The following COA1 variants were observed in gnomAD, a reference collection of about 807,000 sequenced individuals.
COA1 encodes the protein cytochrome c oxidase assembly factor 1, also known as cytochrome c oxidase assembly factor 1 homolog.
A neutral mutation model predicts 16.0 loss-of-function variants in COA1; 13 were observed. The ratio of observed to expected loss-of-function variants is 0.81; its 90% CI spans 0.53 to 1.29. COA1 has a LOEUF of 1.29. COA1 is among the 50% of genes most tolerant of loss of function. COA1 has a pLI of 0.00. For synonymous variants in COA1, 65 were observed against 65.7 expected (o/e 0.99, Z 0.05); for missense variants, 179 against 177.0 (o/e 1.01, Z -0.06).
intron 1 of COA1, among the ~76,000 whole-genome samples, chr7:43,714,258 G>A (rs1243396351): frequency 6.6e-6 from 1 of 152,084 alleles, no homozygotes; most frequent in Non-Finnish European, 1.5e-5. Flanking sequence ...AACTTTAAAA[G>A]ATTTTCTGTT....
chr7:43,651,319 C>T (rs1472922130), intron 1 of COA1, among the ~76,000 whole-genome samples: 1 of 152,206 alleles, frequency 6.6e-6, no homozygotes, highest in East Asian at 1.9e-4. Flanking sequence ...AACTTGTTAG[C>T]CACAGGAAGG....
rs1453208681 is a variant in COA1, at chr7:43,661,740, T to C, written c.-38-13088A>G. Among the ~76,000 whole-genome samples the C allele has an allele frequency of 2.0e-5, 3 of 152,166 alleles. No homozygotes were observed. In the East Asian group the frequency reaches 5.8e-4, roughly 29 times the overall value. ...AATCACTCTTGGAGTGTGGTCCTTG[T>C]ACCTCTGGAGGGCCTTGAGACCATT... On this transcript the variant is annotated intron_variant, in intron 1 of 5. Coordinates refer to ENST00000223336, the MANE Select transcript of COA1 (RefSeq NM_018224.4).
intron 1 of COA1, among the ~76,000 whole-genome samples, chr7:43,726,657 T>C (rs2095623254): frequency 6.6e-6 from 1 of 152,216 alleles, no homozygotes; most frequent in Admixed American, 6.5e-5. Flanking sequence ...TCCCACGTAG[T>C]TGTTGGAAAA....
chr7:43,619,758 C>G, intron 6 of COA1: 1 of 1,605,012 alleles, frequency 6.2e-7, no homozygotes, highest in Admixed American at 1.7e-5. Context: ...GTTCTGGGGT[C>G]AGGCATCACC....
chr7:43,638,597 C>T (rs540754085), downstream of COA1, among the ~76,000 whole-genome samples: 104 of 83,692 alleles, frequency 1.2e-3, 2 homozygotes, highest in Admixed American at 0.013. Flanking sequence ...TTTTCTGAGA[C>T]AGAGTTTTGC....
At chr7:43,629,364 G>A (rs1287743075) in intron 6 of COA1, among the ~76,000 whole-genome samples, 1 of 152,104 alleles carries the variant, frequency 6.6e-6, no homozygotes, top group Non-Finnish European at 1.5e-5. Flanking sequence ...ATTTTTATTA[G>A]GATTCACTGA....
At chr7:43,668,203 T>G (rs1025927684) in intron 1 of COA1, among the ~76,000 whole-genome samples, 1 of 152,212 alleles carries the variant, frequency 6.6e-6, no homozygotes, top group African/African-American at 2.4e-5. Flanking sequence ...CTGTCGTCAG[T>G]AAAGAATGTC....
rs769371133 is a variant in COA1, at chr7:43,639,641, G to GTGTTTT, written c.381_382insAAAACA (p.Gly127_Gln128insLysThr). 1.9e-6 allele frequency: 3 copies of GTGTTTT among 1,614,026 alleles called. No homozygotes were observed. Among genetic ancestry groups the GTGTTTT allele is most frequent in the Non-Finnish European group, 2.5e-6 (3 of 1,179,970 alleles). ...CTGAGCTTGAACACAGGAATCTGCT[G>GTGTTTT]ACCATCCTTGAGCTCTAAAAAGACC... On this transcript the variant is annotated inframe_insertion, in exon 6 of 6. Transcript: ENST00000223336.
intron 6 of COA1, chr7:43,623,995 T>C: frequency 1.3e-6 from 1 of 771,060 alleles, no homozygotes; most frequent in Non-Finnish European, 1.8e-6. Flanking sequence ...CAAAAATAGT[T>C]CAACTTCTAA....
chr7:43,641,062 C>T (rs1026220652), intron 4 of COA1: 1 of 153,320 alleles, frequency 6.5e-6, no homozygotes, highest in South Asian at 2.1e-4. Flanking sequence ...CTAAACTGTC[C>T]TGGAAACCTG....
At chr7:43,727,663 C>G (rs998533057) in intron 1 of COA1, among the ~76,000 whole-genome samples, 13 of 152,142 alleles carry the variant, frequency 8.5e-5, no homozygotes, top group Non-Finnish European at 1.8e-4. Context: ...GTCAAATATA[C>G]AGTCAGTCAA....
At chr7:43,692,178 G>A (rs1000836194) in intron 1 of COA1, among the ~76,000 whole-genome samples, 2 of 152,152 alleles carry the variant, frequency 1.3e-5, no homozygotes, top group African/African-American at 4.8e-5. Flanking sequence ...ATTTGATCCT[G>A]AGAGAAATTT....
rs1425754796 is a variant in COA1, at chr7:43,647,544, G to A, written c.106C>T (p.Leu36Phe). The change falls in exon 3 of 6, where the codon CTC becomes TTC. Residue 36 changes from leucine (L) to phenylalanine (F), a missense_variant. By Grantham distance (22) the Leu-to-Phe change is conservative. Transcript: ENST00000223336. ...YAGGFAIVYY[L>F]IQKFHSRALY... ...CTAGCAGGATACTTACTTTGAATGAGGTAATACACAATGGCAAAGCCCCCG... is the reference window on the plus strand; with the variant it reads ...CTAGCAGGATACTTACTTTGAATGAAGTAATACACAATGGCAAAGCCCCCG... 2.5e-6 allele frequency: 4 copies of A among 1,612,046 alleles called. No homozygotes were observed. Among genetic ancestry groups the A allele is most frequent in the Non-Finnish European group, 3.4e-6 (4 of 1,178,026 alleles).
At chr7:43,664,103 A>AAGAGAGAGAGAG (rs141990456) in intron 1 of COA1, among the ~76,000 whole-genome samples, 7,261 of 135,142 alleles carry the variant, frequency 0.054, 330 homozygotes, top group African/African-American at 0.1. Context: ...TGTCTTTAGA[A>AAGAGAGAGAGAG]AGAGAGAGAG....
intron 1 of COA1, among the ~76,000 whole-genome samples, chr7:43,679,677 T>C (rs1233533350): frequency 6.6e-6 from 1 of 152,268 alleles, no homozygotes. Flanking sequence ...TCTAAGTACC[T>C]ACGCTGTGGA....
intron 1 of COA1, among the ~76,000 whole-genome samples, chr7:43,708,391 G>GC (rs71011941): frequency 3.6e-4 from 54 of 151,334 alleles, no homozygotes; most frequent in Non-Finnish European, 6.9e-4. Context: ...AGCCTGGGAG[G>GC]TCAAGACTGC....
chr7:43,624,786 C>G, intron 6 of COA1: 1 of 1,611,606 alleles, frequency 6.2e-7, no homozygotes. Flanking sequence ...CATTTCCAAA[C>G]GATTTAAATT....
intron 6 of COA1, among the ~76,000 whole-genome samples, chr7:43,621,023 T>A (rs6976872): frequency 0.56 from 85,389 of 151,932 alleles, 24,538 homozygotes; most frequent in Non-Finnish European, 0.63. Flanking sequence ...AAAAGGAGTG[T>A]GTAGTTCTTG....
chr7:43,645,567 C>T (rs1047122761), intron 3 of COA1, 168 bp from the exon 4 acceptor site: 1 of 621,948 alleles, frequency 1.6e-6, no homozygotes, highest in Non-Finnish European at 2.8e-6. Flanking sequence ...ATTTTACAGA[C>T]TCAAAAACCA....
Sources: allele counts gnomAD v4.1 joint callset (sites outside exome capture counted in the v4.1 genomes callset), GRCh38; gene constraint gnomAD v4.1.1; transcripts MANE v1.5; gene names NCBI Gene and HGNC (gene_info 2026-07-23, HGNC 2026-07-21).